PCBP2: variants seen among roughly 807,000 people sequenced by gnomAD.
PCBP2 encodes poly(rC)-binding protein 2.
Under a neutral mutation model 50.1 loss-of-function variants are expected in PCBP2, and 4 were observed. The ratio of observed to expected loss-of-function variants is 0.08; its 90% CI spans 0.04 to 0.18. PCBP2 has a LOEUF of 0.18. Ranked by LOEUF, PCBP2 falls within the 10% of genes least tolerant of loss-of-function variation. The pLI, the probability that PCBP2 is intolerant of heterozygous loss-of-function variation, is 1.00. For synonymous variants in PCBP2, 179 were observed against 168.0 expected, an observed-to-expected ratio of 1.07 and a Z score of -0.51; for missense variants, 161 against 474.3, an observed-to-expected ratio of 0.34 and a Z score of 6.14.
intron 14 of PCBP2, among the ~76,000 whole-genome samples, chr12:53,478,668 G>T (rs945683901): frequency 1.3e-5 from 2 of 152,058 alleles, no homozygotes; most frequent in Non-Finnish European, 2.9e-5. Context: ...GCTGGGAGTG[G>T]TGGTGGCTGC....
chr12:53,470,378 C>CAAAAAAAAAAAAAAAAA (rs754350790), intron 13 of PCBP2, among the ~76,000 whole-genome samples: 1 of 47,362 alleles, frequency 2.1e-5, no homozygotes. Flanking sequence ...CTCCGTCTCT[C>CAAAAAAAAAAAAAAAAA]AAAAAAAAAA....
chr12:53,459,983 TC>T (rs368288465), intron 6 of PCBP2: 3 of 371,950 alleles, frequency 8.1e-6, no homozygotes, highest in East Asian at 1.6e-4. Flanking sequence ...GGTTTCGAAC[TC>T]CTGAGCTCAA....
chr12:53,478,159 TAC>T (rs1178074602), intron 14 of PCBP2, among the ~76,000 whole-genome samples: 1 of 152,226 alleles, frequency 6.6e-6, no homozygotes, highest in Non-Finnish European at 1.5e-5. Context: ...TAGAGTGAGC[TAC>T]AGAGTTGAAA....
intron 5 of PCBP2, among the ~76,000 whole-genome samples, chr12:53,457,968 G>A (rs1017377550): frequency 2.0e-5 from 3 of 152,038 alleles, no homozygotes; most frequent in African/African-American, 4.8e-5. Flanking sequence ...CCTCCTTGTC[G>A]CCCAGGCTGG....
intron 9 of PCBP2, 51 bp downstream of exon 9, chr12:53,464,903 C>T: frequency 6.5e-7 from 1 of 1,541,478 alleles, no homozygotes; most frequent in Non-Finnish European, 8.7e-7. Context: ...TCCGCCTCAG[C>T]CGAGACTGCC....
intron 7 of PCBP2, among the ~76,000 whole-genome samples, chr12:53,461,810 A>G (rs1941466158): frequency 1.3e-5 from 2 of 152,122 alleles, no homozygotes; most frequent in South Asian, 4.1e-4. Flanking sequence ...ATCAGGCTTA[A>G]GCGATCCTCT....
chr12:53,471,832 T>A lies in PCBP2; in HGVS notation c.1052+25T>A, dbSNP rs189707197. On this transcript the variant is annotated intron_variant, in intron 14 of 14. Transcript: ENST00000546463. ...GGTAAGATTGCTCTACCTTTTGTCT[T>A]ATTTATGCCAACACAGTAATGTGTG... The A allele has an allele frequency of 2.1e-5, 34 of 1,600,094 alleles. No homozygotes were observed. In the Admixed American group the frequency reaches 5.4e-4, roughly 25 times the overall value.
intron 14 of PCBP2, among the ~76,000 whole-genome samples, chr12:53,478,553 C>G (rs1323648193): frequency 1.3e-5 from 2 of 151,966 alleles, no homozygotes; most frequent in Non-Finnish European, 2.9e-5. Context: ...CCTGTAATCC[C>G]AGCACATTGG....
intron 7 of PCBP2, among the ~76,000 whole-genome samples, chr12:53,462,174 T>C (rs1032489467): frequency 2.0e-5 from 3 of 152,246 alleles, no homozygotes; most frequent in Admixed American, 6.5e-5. Flanking sequence ...CTAAAAATTA[T>C]CAACAAAAAT....
intron 7 of PCBP2, among the ~76,000 whole-genome samples, chr12:53,461,715 C>T (rs1193325114): frequency 2.0e-5 from 3 of 150,636 alleles, no homozygotes; most frequent in East Asian, 1.9e-4. Context: ...CGAATTTTTT[C>T]GTGTGTGTGT....
chr12:53,458,005 C>T (rs568505545), intron 5 of PCBP2, among the ~76,000 whole-genome samples: 2 of 151,842 alleles, frequency 1.3e-5, no homozygotes, highest in African/African-American at 2.4e-5. Context: ...CCCGGCTCAC[C>T]GTAACCTCTG....
intron 1 of PCBP2, 169 bp from the exon 2 acceptor site, chr12:53,454,557 C>A (rs544625085): frequency 1.2e-5 from 6 of 509,932 alleles, no homozygotes; most frequent in South Asian, 8.2e-5. Flanking sequence ...TGTAACAGAA[C>A]CTGAGCTGTA....
At chr12:53,472,489 T>C (rs1295356743) in intron 14 of PCBP2, among the ~76,000 whole-genome samples, 8 of 152,224 alleles carry the variant, frequency 5.3e-5, no homozygotes, top group Non-Finnish European at 1.0e-4. Context: ...TCAAATGGGA[T>C]CCTACAGTCA....
intron 14 of PCBP2, among the ~76,000 whole-genome samples, chr12:53,477,384 T>C (rs114715825): frequency 0.013 from 1,959 of 152,036 alleles, 32 homozygotes; most frequent in African/African-American, 0.044. Context: ...AAATATCCCC[T>C]GCCGGGCACG....
At chr12:53,454,943 G>A in intron 2 of PCBP2, 74 bp downstream of exon 2, 2 of 1,241,304 alleles carry the variant, frequency 1.6e-6, no homozygotes, top group Admixed American at 1.7e-5. Flanking sequence ...CATGCATCTT[G>A]GAGCTCATCA....
intron 7 of PCBP2, 34 bp downstream of exon 7, chr12:53,461,177 A>C (rs2137047041): frequency 6.2e-7 from 1 of 1,609,628 alleles, no homozygotes; most frequent in East Asian, 2.2e-5. Context: ...AAATGGGGGG[A>C]GGGCCATTCT....
chr12:53,468,202 C>G (rs1262589298), intron 12 of PCBP2: 1 of 224,362 alleles, frequency 4.5e-6, no homozygotes, highest in Non-Finnish European at 8.7e-6. Context: ...AATTATTGAA[C>G]AAAAGACAGG....
At chr12:53,457,928 GTTTT>G (rs200957668) in intron 5 of PCBP2, among the ~76,000 whole-genome samples, 27 of 151,920 alleles carry the variant, frequency 1.8e-4, no homozygotes, top group Admixed American at 1.8e-3. Flanking sequence ...CTATAGGTTT[GTTTT>G]TTTTGTTTGT....
chr12:53,468,688 A>G (rs1027995766), intron 12 of PCBP2, 89 bp from the exon 13 acceptor site: 4 of 994,822 alleles, frequency 4.0e-6, no homozygotes, highest in Non-Finnish European at 4.8e-6. Context: ...CTGGGTTTCC[A>G]GTTTATTTCC....
Sources: gnomAD v4.1 joint callset for allele counts (sites outside exome capture counted in the v4.1 genomes callset) on GRCh38, gnomAD v4.1.1 for gene constraint, MANE v1.5 for transcripts, NCBI Gene and HGNC (gene_info 2026-07-23, HGNC 2026-07-21) for gene names.